ATRNL1: variants seen among roughly 807,000 people sequenced by gnomAD.
ATRNL1 encodes the protein attractin like 1.
Under a neutral mutation model 182.7 loss-of-function variants are expected in ATRNL1, and 95 were observed. The observed-to-expected ratio is 0.52, with a 90% CI of 0.44 to 0.62. The LOEUF (loss-of-function observed/expected upper bound fraction) is 0.62, where lower values mean the gene tolerates loss of function less well. Ranked by LOEUF, ATRNL1 falls within the 20% of genes least tolerant of loss-of-function variation. ATRNL1 has a pLI of 0.00. For missense variants in ATRNL1, 1,471 were observed against 1,679.5 expected, an observed-to-expected ratio of 0.88 and a Z score of 2.17; for synonymous variants, 576 against 568.3, an observed-to-expected ratio of 1.01 and a Z score of -0.19.
At chr10:115,925,471 G>T (rs782035557) in intron 28 of ATRNL1, among the ~76,000 whole-genome samples, 3 of 151,966 alleles carry the variant, frequency 2.0e-5, no homozygotes, top group Non-Finnish European at 4.4e-5. Context: ...TGGTAAATTG[G>T]ATAAAGAGTC....
intron 19 of ATRNL1, among the ~76,000 whole-genome samples, chr10:115,342,395 T>G (rs1855792370): frequency 6.6e-6 from 1 of 152,060 alleles, no homozygotes; most frequent in Admixed American, 6.6e-5. Context: ...TTGCAAAAAC[T>G]ACCTTATAGC....
intron 20 of ATRNL1, among the ~76,000 whole-genome samples, chr10:115,402,276 G>A (rs779135999): frequency 1.1e-4 from 17 of 152,066 alleles, no homozygotes; most frequent in Non-Finnish European, 2.2e-4. Context: ...CATCTGCCAT[G>A]TTATTCTAAA....
chr10:115,580,464 T>G (rs968087411), intron 26 of ATRNL1, among the ~76,000 whole-genome samples: 8 of 152,122 alleles, frequency 5.3e-5, no homozygotes, highest in African/African-American at 1.9e-4. Flanking sequence ...CAACTGATAG[T>G]CTGATGGCAT....
intron 24 of ATRNL1, among the ~76,000 whole-genome samples, chr10:115,505,630 G>A (rs1289400877): frequency 6.6e-6 from 1 of 151,798 alleles, no homozygotes; most frequent in African/African-American, 2.4e-5. Context: ...GCAAGAGAAA[G>A]GAGAGAGAGT....
At chr10:115,734,167 A>G (rs11592496) in intron 27 of ATRNL1, among the ~76,000 whole-genome samples, 112 of 148,076 alleles carry the variant, frequency 7.6e-4, no homozygotes, top group Admixed American at 1.9e-3. Context: ...TCATTTTTGT[A>G]TATAACTCGA....
intron 24 of ATRNL1, among the ~76,000 whole-genome samples, chr10:115,510,225 T>C (rs1367283662): frequency 6.6e-6 from 1 of 152,044 alleles, no homozygotes; most frequent in Admixed American, 6.6e-5. Context: ...GACAATGAGT[T>C]GGAATATCAC....
At chr10:115,368,980 C>T (rs1210298860) in intron 19 of ATRNL1, among the ~76,000 whole-genome samples, 3 of 152,032 alleles carry the variant, frequency 2.0e-5, no homozygotes, top group African/African-American at 7.2e-5. Flanking sequence ...TCCCAAAGTG[C>T]TGGGATTACA....
intron 26 of ATRNL1, among the ~76,000 whole-genome samples, chr10:115,647,869 C>G (rs1313681736): frequency 2.0e-5 from 3 of 152,020 alleles, no homozygotes; most frequent in African/African-American, 7.3e-5. Context: ...AAGTCCTTGC[C>G]CAGGCCTATG....
At chr10:115,887,241 C>A (rs552731977) in intron 28 of ATRNL1, among the ~76,000 whole-genome samples, 1 of 152,152 alleles carries the variant, frequency 6.6e-6, no homozygotes, top group Admixed American at 6.5e-5. Flanking sequence ...TTGACCATCT[C>A]GAAGGTGCCC....
intron 26 of ATRNL1, among the ~76,000 whole-genome samples, chr10:115,635,418 C>A (rs1858803926): frequency 6.6e-6 from 1 of 151,370 alleles, no homozygotes; most frequent in Admixed American, 6.6e-5. Context: ...TTGAGAAATG[C>A]AAAATAAAAC....
intron 28 of ATRNL1, among the ~76,000 whole-genome samples, chr10:115,902,746 G>A (rs1227163214): frequency 7.2e-5 from 11 of 152,222 alleles, no homozygotes; most frequent in Non-Finnish European, 1.3e-4. Flanking sequence ...TCAATTGGAT[G>A]TGAATTTGTA....
At chr10:115,435,523 A>T (rs1405758107) in intron 21 of ATRNL1, among the ~76,000 whole-genome samples, 1 of 152,192 alleles carries the variant, frequency 6.6e-6, no homozygotes, top group Non-Finnish European at 1.5e-5. Context: ...ATTACCCAGT[A>T]TGTGGTATTT....
In ATRNL1 at chr10:115,522,242, G is replaced by C. The variant is rs182040241; in HGVS notation, c.3716+2918G>C. Among the ~76,000 whole-genome samples, 38 of 152,282 alleles carry C rather than the reference G, an allele frequency of 2.5e-4. No individual in the cohort carries two copies. In the Middle Eastern group the frequency reaches 0.01, roughly 41 times the overall value. On this transcript the variant is annotated intron_variant, in intron 25 of 28. Transcript: ENST00000355044. ...AAAGAGGTTTATTTGGCTCACAGTTGTGCTGGCTGTACAAGAAGTAGGGTG... is the reference window on the plus strand; with the variant it reads ...AAAGAGGTTTATTTGGCTCACAGTTCTGCTGGCTGTACAAGAAGTAGGGTG...
chr10:115,589,114 G>C (rs1340760339), intron 26 of ATRNL1, among the ~76,000 whole-genome samples: 1 of 152,104 alleles, frequency 6.6e-6, no homozygotes, highest in East Asian at 1.9e-4. Context: ...TCAATGGTTT[G>C]TGATGGTAGA....
At chr10:115,129,864 G>A (rs1320099487) in intron 5 of ATRNL1, among the ~76,000 whole-genome samples, 1 of 151,908 alleles carries the variant, frequency 6.6e-6, no homozygotes, top group Admixed American at 6.6e-5. Context: ...AATTTAATGT[G>A]GTGCATTCAA....
rs141475219 is a variant in ATRNL1, at chr10:115,543,411, G to A, written c.3717-6047G>A. ...AAAAAATCCTTTAAATGTCATGAAG[G>A]TATAAAATTGAAAGATAGTTTGTGG... On this transcript the variant is annotated intron_variant, in intron 25 of 28. Coordinates refer to ENST00000355044, the MANE Select transcript of ATRNL1 (RefSeq NM_207303.4). Among the ~76,000 whole-genome samples, 19 of 152,168 alleles carry A rather than the reference G, an allele frequency of 1.2e-4. No individual in the cohort carries two copies. The East Asian group carries it at 3.5e-3, about 28-fold the overall frequency.
chr10:115,188,266 T>C (rs551652565), intron 8 of ATRNL1, among the ~76,000 whole-genome samples: 1 of 152,302 alleles, frequency 6.6e-6, no homozygotes, highest in South Asian at 2.1e-4. Flanking sequence ...TGTTTTTTCA[T>C]ATTTGGTTAT....
At chr10:115,333,688 A>G (rs1240329238) in intron 18 of ATRNL1, among the ~76,000 whole-genome samples, 1 of 151,788 alleles carries the variant, frequency 6.6e-6, no homozygotes, top group Non-Finnish European at 1.5e-5. Context: ...GGTTTCACCA[A>G]GTTGGCCAGG....
chr10:115,124,903 CT>C, intron 3 of ATRNL1, among the ~76,000 whole-genome samples: 1 of 152,136 alleles, frequency 6.6e-6, no homozygotes, highest in Non-Finnish European at 1.5e-5. Context: ...TTCACACAGC[CT>C]AGTTAGTGTT....
Sources: gnomAD v4.1 joint callset for allele counts (sites outside exome capture counted in the v4.1 genomes callset) on GRCh38, gnomAD v4.1.1 for gene constraint, MANE v1.5 for transcripts, NCBI Gene and HGNC (gene_info 2026-07-23, HGNC 2026-07-21) for gene names.